PCNX1: variants seen among roughly 807,000 people sequenced by gnomAD.
PCNX1 encodes the protein pecanex 1.
In PCNX1, 78 loss-of-function variants were observed where a neutral mutation model predicts 242.2. The observed-to-expected ratio is 0.32, with a 90% CI of 0.27 to 0.39. PCNX1 has a LOEUF of 0.39. Among genes scored for constraint, PCNX1 ranks in the 10% least tolerant of loss-of-function variants. The pLI is 1.00. For synonymous variants in PCNX1, 1,024 were observed against 1,032.9 expected (o/e 0.99, Z 0.17); for missense variants, 2,581 against 2,856.5 (o/e 0.90, Z 2.20).
intron 28 of PCNX1, among the ~76,000 whole-genome samples, chr14:71,079,453 T>C (rs2061797523): frequency 6.6e-6 from 1 of 152,204 alleles, no homozygotes; most frequent in Non-Finnish European, 1.5e-5. Context: ...TAATTTACAC[T>C]CCTACCAACA....
Position 70,924,535 on chromosome 14 carries a change from G to T in PCNX1, c.153+16532G>T, listed in dbSNP as rs983373720. On this transcript the variant is annotated intron_variant, in intron 1 of 35. Transcript: ENST00000304743. ...CTGTTAGGTTCCATCCAAAACTTTT[G>T]ATTTTAGTTTATTAATTTTGAACTA... 2.0e-5 allele frequency among the ~76,000 whole-genome samples: 3 copies of T among 152,040 alleles called. No individual in the cohort carries two copies. In the South Asian group the frequency reaches 6.2e-4, roughly 31 times the overall value.
intron 2 of PCNX1, among the ~76,000 whole-genome samples, chr14:70,950,766 T>C (rs2057745887): frequency 6.6e-6 from 1 of 152,106 alleles, no homozygotes; most frequent in Non-Finnish European, 1.5e-5. Context: ...TTGCCATTTA[T>C]ATTTGTTATT....
At chr14:70,910,620 C>G (rs2055859026) in intron 1 of PCNX1, among the ~76,000 whole-genome samples, 1 of 152,172 alleles carries the variant, frequency 6.6e-6, no homozygotes, top group Non-Finnish European at 1.5e-5. Context: ...GAAATAGCAA[C>G]TTCCCCAGCT....
At chr14:70,949,371 A>G (rs973273606) in intron 2 of PCNX1, among the ~76,000 whole-genome samples, 8 of 136,498 alleles carry the variant, frequency 5.9e-5, no homozygotes, top group African/African-American at 2.2e-4. Flanking sequence ...ACATATATAG[A>G]CACATACGTG....
intron 18 of PCNX1, 136 bp from the exon 19 acceptor site, chr14:71,035,929 C>CTTTTTTT: frequency 2.1e-6 from 1 of 477,362 alleles, no homozygotes. Flanking sequence ...ATGAAAACTT[C>CTTTTTTT]TTTTTTTTTT....
chr14:71,095,868 T>C lies in PCNX1; in HGVS notation c.5590-6122T>C, dbSNP rs573548272. Among the ~76,000 whole-genome samples, 4 of 152,302 alleles carry C rather than the reference T, an allele frequency of 2.6e-5. No homozygotes were observed. In the South Asian group the frequency reaches 8.3e-4, roughly 32 times the overall value. On this transcript the variant is annotated intron_variant, in intron 30 of 35. Coordinates refer to ENST00000304743, the MANE Select transcript of PCNX1 (RefSeq NM_014982.3). Reference sequence around the variant, plus strand: ...ATGCCTGATAATTTCCAGCTTTTTGTTCATTTTCTTAAGAATATGATTATT... The same window carrying C: ...ATGCCTGATAATTTCCAGCTTTTTGCTCATTTTCTTAAGAATATGATTATT...
At position 71,109,030 on chromosome 14, in the gene PCNX1, T is replaced by G; in HGVS notation, c.6728T>G (p.Val2243Gly). 6.2e-7 allele frequency: 1 copy of G among 1,611,628 alleles called. No homozygotes were observed. ...ANNSHSRKAE[V>G]IYRVQIVDPS... is the part of the protein sequence containing the mutation. ...AATTCACACTCCAGAAAGGCAGAAG[T>G]GATTTACAGAGTCCAAGTAAGTAAG... Residue 2243 changes from valine to glycine, a missense_variant, in exon 34 of 36, where the codon GTG becomes GGG. Transcript: ENST00000304743.
intron 8 of PCNX1, among the ~76,000 whole-genome samples, chr14:71,004,798 A>G (rs942580029): frequency 1.3e-5 from 2 of 152,242 alleles, no homozygotes; most frequent in Admixed American, 1.3e-4. Flanking sequence ...TTGAGATTGC[A>G]TTATGAACAC....
intron 26 of PCNX1, among the ~76,000 whole-genome samples, chr14:71,059,763 A>C (rs967049795): frequency 6.6e-6 from 1 of 152,062 alleles, no homozygotes; most frequent in Non-Finnish European, 1.5e-5. Context: ...TTCTCATTGC[A>C]TTTAACATAG....
chr14:70,915,205 T>C (rs901023804), intron 1 of PCNX1, among the ~76,000 whole-genome samples: 2 of 151,810 alleles, frequency 1.3e-5, no homozygotes, highest in African/African-American at 4.8e-5. Flanking sequence ...CTTCCCAGTT[T>C]TTGGCTACTA....
chr14:71,086,314 G>A (rs957378819), intron 28 of PCNX1, among the ~76,000 whole-genome samples: 1 of 152,158 alleles, frequency 6.6e-6, no homozygotes, highest in Non-Finnish European at 1.5e-5. Context: ...AGTTTTGATT[G>A]AGTGGTTAAT....
In PCNX1 at chr14:71,109,391, TTACA is replaced by T. The variant is rs1413278099; in HGVS notation, c.6745-58_6745-55del. The T allele has an allele frequency of 2.8e-6, 4 of 1,436,554 alleles. No individual in the cohort carries two copies. In the Admixed American group the frequency reaches 7.9e-5, roughly 28 times the overall value. 89.0% of individuals were successfully genotyped at this position (1,436,554 alleles called of 1,614,324 possible). A position where few individuals can be genotyped will look rare whatever the true frequency, so the allele number is the denominator to read the frequency against. On this transcript the variant is annotated intron_variant, in intron 34 of 35. Transcript: ENST00000304743. The stretch of plus-strand genomic sequence containing the variant: ...TCTGTGAAAAGCATTTTGTTTGAGA[TTACA>T]TAATTTTTCATCATCAAGAAAAAAA...
At chr14:71,050,171 T>A (rs541334172) in intron 22 of PCNX1, among the ~76,000 whole-genome samples, 2 of 152,034 alleles carry the variant, frequency 1.3e-5, no homozygotes, top group East Asian at 1.9e-4. Context: ...TTTTCTTTTT[T>A]TTTATTTATT....
rs1052918925 is a variant in PCNX1 at position 71,112,634 on chromosome 14, C to G, written c.*2699C>G. ...TTCTTGTTCCTGCCTCACCCCTCACCCCCCAGAGAATAGTGAGTGACTCGT... is the reference window on the plus strand; with the variant it reads ...TTCTTGTTCCTGCCTCACCCCTCACGCCCCAGAGAATAGTGAGTGACTCGT... On this transcript the variant is annotated 3_prime_UTR_variant, in exon 36 of 36. Transcript: ENST00000304743. 2.0e-5 allele frequency: 3 copies of G among 151,976 alleles called. No homozygotes were observed. The highest frequency in any genetic ancestry group is 4.4e-5 in the Non-Finnish European group (3 of 67,940). The allele number at this position is 151,976 out of a possible 1,614,324, so 9.4% of individuals were successfully genotyped here. A position where few individuals can be genotyped will look rare whatever the true frequency, so the allele number is the denominator to read the frequency against.
rs1348860215 is a variant in PCNX1, at chr14:71,109,357, TA to T, written c.6745-93del. The T allele has an allele frequency of 7.1e-6, 8 of 1,120,180 alleles. No individual in the cohort carries two copies. In the Admixed American group the frequency reaches 1.8e-4, roughly 26 times the overall value. The allele number at this position is 1,120,180 out of a possible 1,614,324, so 69.4% of individuals were successfully genotyped here. ...TATTCCATTATAGGAATTTAAAAAG[TA>T]ATTCCTCTCTGTGAAAAGCATTTTG... On this transcript the variant is annotated intron_variant, in intron 34 of 35. Transcript: ENST00000304743.
chr14:71,095,647 T>C (rs1459244544), intron 30 of PCNX1, among the ~76,000 whole-genome samples: 1 of 152,220 alleles, frequency 6.6e-6, no homozygotes, highest in Non-Finnish European at 1.5e-5. Flanking sequence ...TTTTTAAAAA[T>C]GTAATTTTGC....
rs930212552 is a variant in PCNX1, at chr14:70,994,427, A to ATATATATATATATATATG, written c.2445-1311_2445-1310insATATATATATATATGTAT. ...TATATATATATATATATATATATATATATGTATGTATGTATGTTTCAACAT... is the reference window on the plus strand; with the variant it reads ...TATATATATATATATATATATATATATATATATATATATATATGTATGTATGTATGTATGTTTCAACAT... On this transcript the variant is annotated intron_variant, in intron 7 of 35. Transcript: ENST00000304743. Among the ~76,000 whole-genome samples the ATATATATATATATATATG allele has an allele frequency of 3.6e-3, 315 of 88,436 alleles. 2 individuals carry two copies. The highest frequency in any genetic ancestry group is 0.012 in the African/African-American group (277 of 23,854). 58.0% of individuals were successfully genotyped at this position (88,436 alleles called of 152,430 possible).
intron 30 of PCNX1, among the ~76,000 whole-genome samples, chr14:71,091,969 T>G (rs1160038175): frequency 2.6e-5 from 4 of 152,246 alleles, no homozygotes. Context: ...TTGCAGTTCT[T>G]GTGTATTTCT....
intron 17 of PCNX1, 144 bp downstream of exon 17, chr14:71,033,682 T>C (rs1448878497): frequency 1.7e-6 from 1 of 594,942 alleles, no homozygotes; most frequent in Non-Finnish European, 2.9e-6. Flanking sequence ...TATAATAATT[T>C]TGGGTTATTC....
Sources: gnomAD v4.1 joint callset for allele counts (sites outside exome capture counted in the v4.1 genomes callset) on GRCh38, gnomAD v4.1.1 for gene constraint, MANE v1.5 for transcripts, NCBI Gene and HGNC (gene_info 2026-07-23, HGNC 2026-07-21) for gene names.